VAV3: variants seen among roughly 807,000 people sequenced by gnomAD.
VAV3 encodes the protein guanine nucleotide exchange factor VAV3.
In VAV3, 94 loss-of-function variants were observed where a neutral mutation model predicts 131.2. The observed-to-expected ratio is 0.72, with a 90% CI of 0.61 to 0.85. The LOEUF is 0.85. VAV3 is among the 40% of genes least tolerant of loss of function. The probability of loss-of-function intolerance (pLI) is 0.00; values close to 1 mark genes in which losing one functional copy is unlikely to be tolerated. For missense variants in VAV3, 939 were observed against 1,002.7 expected (o/e 0.94, Z 0.86); for synonymous variants, 349 against 342.0 (o/e 1.02, Z -0.22).
chr1:107,894,406 C>G (rs1417157829), intron 1 of VAV3, among the ~76,000 whole-genome samples: 1 of 152,162 alleles, frequency 6.6e-6, no homozygotes, highest in Non-Finnish European at 1.5e-5. Flanking sequence ...GGACAGGTGT[C>G]TTCCTGACTA....
At chr1:107,826,438 T>C (rs1191723249) in intron 2 of VAV3, among the ~76,000 whole-genome samples, 2 of 152,164 alleles carry the variant, frequency 1.3e-5, no homozygotes, top group Non-Finnish European at 2.9e-5. Flanking sequence ...TTTATATTTG[T>C]AAACAGCGAT....
intron 19 of VAV3, 121 bp downstream of exon 19, chr1:107,683,367 A>T: frequency 8.7e-7 from 1 of 1,144,762 alleles, no homozygotes. Flanking sequence ...GTCACACATT[A>T]TACACCAAAT....
intron 2 of VAV3, among the ~76,000 whole-genome samples, chr1:107,795,257 T>A (rs1251198329): frequency 6.6e-6 from 1 of 152,228 alleles, no homozygotes; most frequent in Non-Finnish European, 1.5e-5. Flanking sequence ...TGGACGAAGT[T>A]ACCAAGATAA....
intron 15 of VAV3, among the ~76,000 whole-genome samples, chr1:107,736,908 A>G (rs1662676206): frequency 6.6e-6 from 1 of 152,134 alleles, no homozygotes; most frequent in African/African-American, 2.4e-5. Context: ...ACAATCCTAA[A>G]CAAAAAGAAC....
At chr1:107,765,664 C>T (rs761220682) in intron 8 of VAV3, among the ~76,000 whole-genome samples, 2 of 152,110 alleles carry the variant, frequency 1.3e-5, no homozygotes, top group Non-Finnish European at 2.9e-5. Context: ...GAGAGGAAAA[C>T]GAGAGACCTG....
intron 2 of VAV3, among the ~76,000 whole-genome samples, chr1:107,815,476 G>C (rs544913858): frequency 2.6e-5 from 4 of 152,152 alleles, no homozygotes; most frequent in African/African-American, 9.7e-5. Context: ...GTGATTTTAC[G>C]CACTGTTCCA....
At chr1:107,804,255 G>A (rs1269655174) in intron 2 of VAV3, among the ~76,000 whole-genome samples, 1 of 151,906 alleles carries the variant, frequency 6.6e-6, no homozygotes, top group Non-Finnish European at 1.5e-5. Flanking sequence ...ATTACTGATG[G>A]GTAAGGACTT....
At chr1:107,754,148 T>G (rs1378242315) in intron 12 of VAV3, among the ~76,000 whole-genome samples, 3 of 152,110 alleles carry the variant, frequency 2.0e-5, no homozygotes, top group African/African-American at 7.2e-5. Flanking sequence ...TTCAGGAAAA[T>G]AGCTTAAGTC....
chr1:107,647,048 A>G (rs1655788973), intron 19 of VAV3, among the ~76,000 whole-genome samples: 1 of 151,718 alleles, frequency 6.6e-6, no homozygotes, highest in Admixed American at 6.6e-5. Flanking sequence ...ATTTTCACAT[A>G]AACTTTCAAA....
intron 25 of VAV3, among the ~76,000 whole-genome samples, chr1:107,579,580 C>T (rs1649891768): frequency 6.6e-6 from 1 of 152,220 alleles, no homozygotes; most frequent in Non-Finnish European, 1.5e-5. Flanking sequence ...GCTGCACCAT[C>T]CCAATTCAGG....
chr1:107,749,656 T>G, intron 13 of VAV3, 62 bp from the exon 14 acceptor site: 1 of 1,565,024 alleles, frequency 6.4e-7, no homozygotes, highest in East Asian at 2.3e-5. Context: ...TATTAATTTT[T>G]TTGGGTATAA....
chr1:107,633,054 C>T (rs1385996834), intron 20 of VAV3, among the ~76,000 whole-genome samples: 1 of 152,092 alleles, frequency 6.6e-6, no homozygotes, highest in Non-Finnish European at 1.5e-5. Flanking sequence ...GGCTAGTTGT[C>T]ACAGAATCTC....
At chr1:107,884,382 C>T (rs1262621487) in intron 1 of VAV3, among the ~76,000 whole-genome samples, 3 of 148,082 alleles carry the variant, frequency 2.0e-5, no homozygotes, top group African/African-American at 7.5e-5. Context: ...CTACTATGTA[C>T]CCCCAAAATT....
At chr1:107,841,050 G>A (rs1668682436) in intron 2 of VAV3, among the ~76,000 whole-genome samples, 1 of 152,208 alleles carries the variant, frequency 6.6e-6, no homozygotes, top group Non-Finnish European at 1.5e-5. Flanking sequence ...TGACAGCAGT[G>A]TGGTAGGGCA....
At chr1:107,858,638 G>C (rs1250286469) in intron 2 of VAV3, among the ~76,000 whole-genome samples, 1 of 152,142 alleles carries the variant, frequency 6.6e-6, no homozygotes, top group Admixed American at 6.6e-5. Context: ...CTCCTTGTAA[G>C]AATCTAATGT....
chr1:107,705,252 T>G (rs1213993629), intron 15 of VAV3, among the ~76,000 whole-genome samples, 191 bp from the exon 16 acceptor site: 1 of 151,826 alleles, frequency 6.6e-6, no homozygotes, highest in Non-Finnish European at 1.5e-5. Flanking sequence ...AATCTGGCTG[T>G]GTGGGAACAA....
intron 20 of VAV3, among the ~76,000 whole-genome samples, chr1:107,631,691 T>C (rs560121407): frequency 5.5e-4 from 76 of 138,444 alleles, no homozygotes; most frequent in Non-Finnish European, 1.0e-3. Context: ...TGTGTTCTCA[T>C]TGTTCAATTC....
At chr1:107,599,008 GAATTAC>G (rs1294129980) in intron 24 of VAV3, among the ~76,000 whole-genome samples, 1 of 152,092 alleles carries the variant, frequency 6.6e-6, no homozygotes. Flanking sequence ...TTTTTGCTAT[GAATTAC>G]AATTTATGTG....
At chr1:107,646,179 C>CT (rs1462468600) in intron 19 of VAV3, among the ~76,000 whole-genome samples, 2 of 151,582 alleles carry the variant, frequency 1.3e-5, no homozygotes, top group African/African-American at 4.9e-5. Context: ...AACTTGAACT[C>CT]TAAGTTTCCT....
Sources: gnomAD v4.1 joint callset for allele counts (sites outside exome capture counted in the v4.1 genomes callset) on GRCh38, gnomAD v4.1.1 for gene constraint, MANE v1.5 for transcripts, NCBI Gene and HGNC (gene_info 2026-07-23, HGNC 2026-07-21) for gene names.